KIF21B: variants seen among roughly 807,000 people sequenced by gnomAD.
The protein encoded by KIF21B is kinesin-like protein KIF21B.
In KIF21B, 85 loss-of-function variants were observed where a neutral mutation model predicts 192.9. The observed-to-expected ratio is 0.44, with a 90% CI of 0.37 to 0.53. The LOEUF is 0.53. KIF21B is among the 20% of genes least tolerant of loss of function. The pLI is 0.00. For synonymous variants in KIF21B, 832 were observed against 884.6 expected (o/e 0.94, Z 1.05); for missense variants, 1,716 against 2,194.8 (o/e 0.78, Z 4.36).
intron 21 of KIF21B, 52 bp downstream of exon 21, chr1:200,989,890 C>G: frequency 7.0e-7 from 1 of 1,429,362 alleles, no homozygotes; most frequent in Non-Finnish European, 9.8e-7. Flanking sequence ...GGGTATATCA[C>G]AGAGGCATCT....
Position 200,999,867 on chromosome 1 carries a change from G to A in KIF21B, c.1767+16C>T, listed in dbSNP as rs1046733343. The A allele has an allele frequency of 7.4e-6, 12 of 1,612,742 alleles. No individual in the cohort carries two copies. Among genetic ancestry groups the A allele is most frequent in the African/African-American group, 5.3e-5 (4 of 74,920 alleles). On this transcript the variant is annotated intron_variant, in intron 12 of 34. Coordinates refer to ENST00000461742, the MANE Select transcript of KIF21B (RefSeq NM_001252102.2). This position sits in a 1 kb window ranked among gnomAD's most constrained non-coding sequence, Gnocchi z 4.7. The stretch of plus-strand genomic sequence containing the variant: ...AGGCATGCATGTGGTGAGGTGGGGC[G>A]GCCCGTGCTCCTCACCTCCTCCGCC...
At position 201,004,366 on chromosome 1, in the gene KIF21B, G is replaced by A; in HGVS notation, c.990C>T (p.Leu330=). The change falls in exon 7 of 35, where the codon CTC becomes CTT. Residue 330 remains leucine (L), a synonymous_variant. Coordinates refer to ENST00000461742, the MANE Select transcript of KIF21B (RefSeq NM_001252102.2). ...VPYRDSKLTR[L]LQDSLGGNSQ... ...TGTTGCCCCCCAGCGAATCCTGGAG[G>A]AGCCGAGTGAGCTTGGAGTCCCTGT... is the stretch of plus-strand genomic sequence containing the variant. 6.4e-7 allele frequency: 1 copy of A among 1,573,210 alleles called. No individual in the cohort carries two copies. Among genetic ancestry groups the A allele is most frequent in the South Asian group, 1.2e-5 (1 of 85,554 alleles).
intron 15 of KIF21B, among the ~76,000 whole-genome samples, chr1:200,993,524 A>G (rs755361224): frequency 2.0e-5 from 3 of 152,152 alleles, no homozygotes; most frequent in Non-Finnish European, 4.4e-5. Flanking sequence ...AGGTGGAAGG[A>G]ATGCTTGATT....
rs1267366919 is a variant in KIF21B at position 201,004,332 on chromosome 1, C to T, written c.1016+8G>A. 2.6e-6 allele frequency: 4 copies of T among 1,553,928 alleles called. No individual in the cohort carries two copies. Among genetic ancestry groups the T allele is most frequent in the Non-Finnish European group, 2.6e-6 (3 of 1,146,724 alleles). On this transcript the variant is annotated splice_region_variant and intron_variant, in intron 7 of 34. Coordinates refer to ENST00000461742, the MANE Select transcript of KIF21B (RefSeq NM_001252102.2). ...CTGTCCCTTCCCTGGGTGTTGGTCA[C>T]CAGATACCTGTTGCCCCCCAGCGAA...
chr1:201,020,520 T>C (rs1056946664), intron 1 of KIF21B, among the ~76,000 whole-genome samples: 1 of 152,132 alleles, frequency 6.6e-6, no homozygotes, highest in Non-Finnish European at 1.5e-5. Flanking sequence ...AATCCCTTGG[T>C]GCAAAGCCGA....
chr1:200,998,624 T>C lies in KIF21B; in HGVS notation c.1886-49A>G, dbSNP rs374825019. Reference sequence around the variant, plus strand: ...GCCCAGCGTTAGGGCGAGGGGCAAATTGGGGAGCAGATGTGCCAGTGCTGG... The same window carrying C: ...GCCCAGCGTTAGGGCGAGGGGCAAACTGGGGAGCAGATGTGCCAGTGCTGG... On this transcript the variant is annotated intron_variant, in intron 13 of 34. Transcript: ENST00000461742. This position sits in a 1 kb window ranked among gnomAD's most constrained non-coding sequence, Gnocchi z 4.3. 34 of 1,570,012 alleles carry C rather than the reference T, an allele frequency of 2.2e-5. No individual in the cohort carries two copies. Among genetic ancestry groups the C allele is most frequent in the African/African-American group, 1.8e-4 (13 of 73,922 alleles).
At chr1:201,004,994 C>T (rs1657721160) in intron 5 of KIF21B, 61 bp from the exon 6 acceptor site, 1 of 1,542,198 alleles carries the variant, frequency 6.5e-7, no homozygotes, top group Non-Finnish European at 8.8e-7. Flanking sequence ...CTCCCCTGAT[C>T]ACAGTACTGC....
intron 15 of KIF21B, 147 bp downstream of exon 15, chr1:200,996,049 G>T: frequency 1.2e-6 from 1 of 849,192 alleles, no homozygotes; most frequent in Non-Finnish European, 1.9e-6. Flanking sequence ...CGTGTCAAGG[G>T]CCAAGACAGG....
intron 3 of KIF21B, among the ~76,000 whole-genome samples, chr1:201,006,585 A>G (rs1477654645): frequency 6.6e-6 from 1 of 152,176 alleles, no homozygotes; most frequent in Non-Finnish European, 1.5e-5. Context: ...ATGGGGGCCT[A>G]CAATATCTGT....
Position 200,991,108 on chromosome 1 carries a change from C to T in KIF21B, c.2496G>A (p.Arg832=). Residue 832 remains arginine (R), a synonymous_variant, in exon 18 of 35, where the codon CGG becomes CGA. Coordinates refer to ENST00000461742, the MANE Select transcript of KIF21B (RefSeq NM_001252102.2). ...LRRLAKPMSE[R]VAGRAGLKPP... Reference sequence around the variant, plus strand: ...GCTTTAGTCCTGCACGCCCTGCCACCCGCTCAGACATGGGCTTGGCCAGGC... The same window carrying T: ...GCTTTAGTCCTGCACGCCCTGCCACTCGCTCAGACATGGGCTTGGCCAGGC... 6.2e-7 allele frequency: 1 copy of T among 1,613,834 alleles called. No individual in the cohort carries two copies. Among genetic ancestry groups the T allele is most frequent in the South Asian group, 1.1e-5 (1 of 91,086 alleles).
Position 200,970,053 on chromosome 1 carries a change from C to T in KIF21B, c.*3468G>A, listed in dbSNP as rs1420582027. On this transcript the variant is annotated 3_prime_UTR_variant, in exon 35 of 35. Transcript: ENST00000461742. Reference sequence around the variant, plus strand: ...TCCTGCAGGGCAGGCTCTGCCCACACAAACACGATGGTGAACAGACCAGGC... The same window carrying T: ...TCCTGCAGGGCAGGCTCTGCCCACATAAACACGATGGTGAACAGACCAGGC... 2.0e-5 allele frequency: 3 copies of T among 152,686 alleles called. No homozygotes were observed. Among genetic ancestry groups the T allele is most frequent in the Non-Finnish European group, 4.4e-5 (3 of 68,150 alleles). The allele number at this position is 152,686 out of a possible 1,614,324, so 9.5% of individuals were successfully genotyped here.
At position 201,004,869 on chromosome 1, in the gene KIF21B, G is replaced by A; in HGVS notation, c.797C>T (p.Thr266Ile). ...CAGGTCCACAAAGTGAAACTTAGCAGTGAGTGTCTCATACTCACTCGAGGG... is the reference window on the plus strand; with the variant it reads ...CAGGTCCACAAAGTGAAACTTAGCAATGAGTGTCTCATACTCACTCGAGGG... ...TPPSSEYETL[T>I]AKFHFVDLAG... The change falls in exon 6 of 35, where the codon ACT (threonine) becomes ATT (isoleucine). Residue 266 changes from threonine (T) to isoleucine (I), a missense_variant. By Grantham distance (89) the Thr-to-Ile change is moderately conservative. Coordinates refer to ENST00000461742, the MANE Select transcript of KIF21B (RefSeq NM_001252102.2). 3 of 1,614,152 alleles carry A rather than the reference G, an allele frequency of 1.9e-6. No homozygotes were observed. Among genetic ancestry groups the A allele is most frequent in the Non-Finnish European group, 1.7e-6 (2 of 1,180,026 alleles).
rs1345196899 is a variant in KIF21B at position 200,970,447 on chromosome 1, G to A, written c.*3074C>T. On this transcript the variant is annotated 3_prime_UTR_variant, in exon 35 of 35. Transcript: ENST00000461742. ...CTCTGACCACCTCAAAGGCTTGGGT[G>A]TGCCAGGCTCCGCCTGTTAATCTTT... 3 of 152,572 alleles carry A rather than the reference G, an allele frequency of 2.0e-5. No homozygotes were observed. The highest frequency in any genetic ancestry group is 4.4e-5 in the Non-Finnish European group (3 of 68,080). The allele number at this position is 152,572 out of a possible 1,614,324, so 9.5% of individuals were successfully genotyped here. A position where few individuals can be genotyped will look rare whatever the true frequency, so the allele number is the denominator to read the frequency against.
chr1:200,988,165 G>C (rs1656425309), intron 24 of KIF21B, 131 bp downstream of exon 24: 1 of 909,936 alleles, frequency 1.1e-6, no homozygotes, highest in Non-Finnish European at 1.8e-6. Context: ...AAATTTTCTT[G>C]GCACCTCCCT....
chr1:200,995,688 A>G (rs1657013924), intron 15 of KIF21B, among the ~76,000 whole-genome samples: 1 of 152,244 alleles, frequency 6.6e-6, no homozygotes, highest in Admixed American at 6.5e-5. Flanking sequence ...TTTCTCATAC[A>G]TAAAAGAATA....
rs548772645 is a variant in KIF21B, at chr1:200,976,977, AG to A, written c.4326-85del. ...GTGGGGTGTCTGCCCCAAAACAAAT[AG>A]GCCTGGTCAGGGTACTCACCCTCCC... On this transcript the variant is annotated intron_variant, in intron 31 of 34. Transcript: ENST00000461742. 3.1e-5 allele frequency: 34 copies of A among 1,079,710 alleles called. No individual in the cohort carries two copies. The African/African-American group carries it at 4.7e-4, about 15-fold the overall frequency. 66.9% of individuals were successfully genotyped at this position (1,079,710 alleles called of 1,614,324 possible).
chr1:200,975,063 C>T lies in KIF21B; in HGVS notation c.4615-150G>A. On this transcript the variant is annotated intron_variant, in intron 33 of 34. Coordinates refer to ENST00000461742, the MANE Select transcript of KIF21B (RefSeq NM_001252102.2). This position sits in a 1 kb window ranked among gnomAD's most constrained non-coding sequence, Gnocchi z 4.3. ...GGCGGGTGACACTGGTTCCAGGAGC[C>T]ATGCTGGGGTGGCCTGTGCTGTGGG... The T allele has an allele frequency of 1.3e-6, 1 of 756,324 alleles. No individual in the cohort carries two copies. The highest frequency in any genetic ancestry group is 1.7e-5 in the South Asian group (1 of 57,858). The allele number at this position is 756,324 out of a possible 1,614,324, so 46.9% of individuals were successfully genotyped here.
At chr1:201,018,351 C>T (rs907442245) in intron 1 of KIF21B, among the ~76,000 whole-genome samples, 5 of 152,198 alleles carry the variant, frequency 3.3e-5, no homozygotes, top group Admixed American at 6.5e-5. Flanking sequence ...CAAACACAAA[C>T]GATGACAGCA....
At position 201,003,609 on chromosome 1, in the gene KIF21B, T is replaced by C. The variant is rs1162544488; in HGVS notation, c.1189A>G (p.Met397Val). The C allele has an allele frequency of 1.2e-6, 2 of 1,614,080 alleles. No individual in the cohort carries two copies. The highest frequency in any genetic ancestry group is 1.7e-5 in the Admixed American group (1 of 60,028). Residue 397 changes from methionine to valine, a missense_variant, in exon 8 of 35, where the codon ATG becomes GTG. Physicochemically the swap from Met to Val is conservative, Grantham distance 21 (BLOSUM62 1). Coordinates refer to ENST00000461742, the MANE Select transcript of KIF21B (RefSeq NM_001252102.2). ...ACCGCCTTATACTCCATCAGCTCCA[T>C]CTGCAGCCGAGCAATCTCAGCCCGC... Reference protein sequence around the residue: ...ALRAEIARLQMELMEYKAGKR... With the variant: ...ALRAEIARLQVELMEYKAGKR...
Sources: gnomAD v4.1 joint callset for allele counts (sites outside exome capture counted in the v4.1 genomes callset) on GRCh38, gnomAD v4.1.1 for gene constraint, Gnocchi (gnomAD v3.1) non-coding constraint, MANE v1.5 for transcripts, NCBI Gene and HGNC (gene_info 2026-07-23, HGNC 2026-07-21) for gene names.